Variants in CLIC4 observed in about 807,000 individuals in gnomAD.
CLIC4 encodes the protein chloride intracellular channel protein 4.
In CLIC4, 13 loss-of-function variants were observed where a neutral mutation model predicts 24.6. The observed-to-expected ratio is 0.53, with a 90% CI of 0.34 to 0.84. The LOEUF (loss-of-function observed/expected upper bound fraction) is 0.84. Among genes scored for constraint, CLIC4 ranks in the 40% least tolerant of loss-of-function variants. The pLI is 0.01. For synonymous variants in CLIC4, 104 were observed against 111.3 expected (o/e 0.93, Z 0.41); for missense variants, 227 against 301.7 (o/e 0.75, Z 1.83).
intron 4 of CLIC4, among the ~76,000 whole-genome samples, chr1:24,838,932 C>T (rs1639912177): frequency 6.6e-6 from 1 of 152,122 alleles, no homozygotes; most frequent in South Asian, 2.1e-4. Context: ...TCATGACAAT[C>T]AGAGCATCTT....
At chr1:24,804,264 G>C (rs1338468390) in intron 2 of CLIC4, among the ~76,000 whole-genome samples, 1 of 151,790 alleles carries the variant, frequency 6.6e-6, no homozygotes, top group Non-Finnish European at 1.5e-5. Context: ...AAGTTGACTT[G>C]AGCTACATGA....
chr1:24,771,945 A>C (rs1245365979), intron 1 of CLIC4: 10 of 465,646 alleles, frequency 2.1e-5, no homozygotes, highest in Admixed American at 6.6e-5. Context: ...TTATATGCCA[A>C]GGTAGCCTTA....
chr1:24,800,018 G>A (rs1385573848), intron 2 of CLIC4, among the ~76,000 whole-genome samples: 1 of 798 alleles, frequency 1.3e-3, no homozygotes, highest in African/African-American at 2.5e-3. Flanking sequence ...CCCTCTGCCC[G>A]GCCAGCCGCC....
intron 1 of CLIC4, among the ~76,000 whole-genome samples, chr1:24,782,150 G>A (rs1639212779): frequency 1.3e-5 from 2 of 152,152 alleles, no homozygotes; most frequent in Admixed American, 1.3e-4. Flanking sequence ...TTAGACTAAA[G>A]CAAGAGAACA....
rs1387970127 is a variant in CLIC4, at chr1:24,752,303, C to A, written c.72+6678C>A. On this transcript the variant is annotated intron_variant, in intron 1 of 5. Coordinates refer to ENST00000374379, the MANE Select transcript of CLIC4 (RefSeq NM_013943.3). Reference sequence around the variant, plus strand: ...GTTGCTGTAATAAGTTATCCCCCCACAAACAGTGGTTCAAATATGATGGAA... The same window carrying A: ...GTTGCTGTAATAAGTTATCCCCCCAAAAACAGTGGTTCAAATATGATGGAA... Among the ~76,000 whole-genome samples the A allele has an allele frequency of 2.6e-5, 4 of 152,266 alleles. No individual in the cohort carries two copies. The East Asian group carries it at 7.7e-4, about 29-fold the overall frequency.
At chr1:24,813,966 C>A in intron 2 of CLIC4, 128 bp from the exon 3 acceptor site, 1 of 1,046,908 alleles carries the variant, frequency 9.6e-7, no homozygotes, top group Non-Finnish European at 1.5e-6. Flanking sequence ...AGTGTCCCAC[C>A]TCAGCCTCCT....
intron 3 of CLIC4, among the ~76,000 whole-genome samples, chr1:24,816,306 C>A (rs1639668339): frequency 1.6e-5 from 2 of 126,842 alleles, no homozygotes; most frequent in Admixed American, 2.2e-4. Context: ...GTGATGCGAT[C>A]TCGGCTCACT....
chr1:24,778,179 A>G (rs972777051), intron 1 of CLIC4, among the ~76,000 whole-genome samples: 1 of 152,186 alleles, frequency 6.6e-6, no homozygotes, highest in Non-Finnish European at 1.5e-5. Flanking sequence ...AGAAACTATC[A>G]TAGTGGTTGG....
chr1:24,793,192 G>C (rs1435467174), intron 1 of CLIC4: 2 of 148,956 alleles, frequency 1.3e-5, no homozygotes, highest in Non-Finnish European at 3.0e-5. Context: ...CTCAAATTTG[G>C]ATTATCAGGC....
chr1:24,789,411 G>A (rs1381976834), intron 1 of CLIC4, among the ~76,000 whole-genome samples: 1 of 152,134 alleles, frequency 6.6e-6, no homozygotes, highest in Admixed American at 6.6e-5. Flanking sequence ...CCAGCTATTC[G>A]GGAGGTTGAG....
chr1:24,746,720 A>T (rs114220632), intron 1 of CLIC4, among the ~76,000 whole-genome samples: 1 of 152,222 alleles, frequency 6.6e-6, no homozygotes, highest in East Asian at 1.9e-4. Context: ...TTTAAGAGAT[A>T]GAGAAGGGCT....
At chr1:24,808,187 C>T (rs1639573075) in intron 2 of CLIC4, among the ~76,000 whole-genome samples, 1 of 152,172 alleles carries the variant, frequency 6.6e-6, no homozygotes, top group South Asian at 2.1e-4. Flanking sequence ...CTCAGCTGAT[C>T]CGCCCGCCTT....
At chr1:24,757,169 A>G (rs182616249) in intron 1 of CLIC4, among the ~76,000 whole-genome samples, 1 of 152,230 alleles carries the variant, frequency 6.6e-6, no homozygotes, top group East Asian at 1.9e-4. Context: ...TTCTGGGATT[A>G]CAGATGTGAG....
intron 4 of CLIC4, among the ~76,000 whole-genome samples, chr1:24,830,528 A>G (rs1176155987): frequency 1.3e-5 from 2 of 152,136 alleles, no homozygotes; most frequent in Non-Finnish European, 2.9e-5. Flanking sequence ...AATAGTTCAA[A>G]AAGTTTGTGC....
chr1:24,828,139 T>TA (rs1405375809), intron 4 of CLIC4, among the ~76,000 whole-genome samples: 1 of 152,222 alleles, frequency 6.6e-6, no homozygotes, highest in Non-Finnish European at 1.5e-5. Flanking sequence ...CTAATTTCCT[T>TA]ATGTTATTTC....
chr1:24,784,172 AT>A (rs1000900680), intron 1 of CLIC4, among the ~76,000 whole-genome samples: 3 of 152,162 alleles, frequency 2.0e-5, no homozygotes, highest in Admixed American at 2.0e-4. Flanking sequence ...ATTCATGTCC[AT>A]ATTACAAATA....
intron 1 of CLIC4, among the ~76,000 whole-genome samples, chr1:24,746,086 T>C (rs1259572049): frequency 6.6e-6 from 1 of 152,206 alleles, no homozygotes; most frequent in African/African-American, 2.4e-5. Context: ...AACGAACTTC[T>C]TTGAACGCGT....
chr1:24,750,165 G>A (rs1397858080), intron 1 of CLIC4, among the ~76,000 whole-genome samples: 2 of 152,168 alleles, frequency 1.3e-5, no homozygotes, highest in Admixed American at 6.5e-5. Context: ...GATTGTTTGA[G>A]CCCAGGAGTT....
intron 1 of CLIC4, among the ~76,000 whole-genome samples, chr1:24,794,981 G>T (rs1639382278): frequency 6.6e-6 from 1 of 152,080 alleles, no homozygotes; most frequent in Non-Finnish European, 1.5e-5. Flanking sequence ...TGTCAGCTTT[G>T]TCGAAAATCA....
Sources: allele counts gnomAD v4.1 joint callset (sites outside exome capture counted in the v4.1 genomes callset), GRCh38; gene constraint gnomAD v4.1.1; transcripts MANE v1.5; gene names NCBI Gene and HGNC (gene_info 2026-07-23, HGNC 2026-07-21).